The following TRAPPC10 variants were observed in gnomAD, a reference collection of about 807,000 sequenced individuals.
TRAPPC10 encodes trafficking protein particle complex subunit 10.
Under a neutral mutation model 125.5 loss-of-function variants are expected in TRAPPC10, and 23 were observed. The ratio of observed to expected loss-of-function variants is 0.18; its 90% CI spans 0.13 to 0.26. TRAPPC10 has a LOEUF of 0.26. Among genes scored for constraint, TRAPPC10 ranks in the 10% least tolerant of loss-of-function variants. The probability of loss-of-function intolerance (pLI) is 1.00; values close to 1 mark genes in which losing one functional copy is unlikely to be tolerated. For missense variants in TRAPPC10, 1,123 were observed against 1,308.4 expected (o/e 0.86, Z 2.19); for synonymous variants, 509 against 518.0 (o/e 0.98, Z 0.24).
At chr21:44,084,073 C>G in intron 14 of TRAPPC10, 49 bp from the exon 15 acceptor site, 1 of 1,610,116 alleles carries the variant, frequency 6.2e-7, no homozygotes, top group Non-Finnish European at 8.5e-7. Flanking sequence ...AGGAAGCTAA[C>G]TGCAAAACTG....
intron 9 of TRAPPC10, among the ~76,000 whole-genome samples, chr21:44,075,630 T>C (rs1045568151): frequency 6.6e-6 from 1 of 151,944 alleles, no homozygotes; most frequent in African/African-American, 2.4e-5. Flanking sequence ...GGACTACAGG[T>C]GTGTGCTACC....
Position 44,080,111 on chromosome 21 carries a change from G to T in TRAPPC10, c.1707G>T (p.Gln569His), listed in dbSNP as rs1331118916. ...FCQEILDFAS[Q>H]PSDSPGHKIV... is the part of the protein sequence containing the mutation. ...AGGAGATACTTGACTTTGCCAGCCA[G>T]CCGTCAGACAGCCCAGGTAAGACCA... Residue 569 changes from glutamine to histidine, a missense_variant, in exon 13 of 23, where the codon CAG (glutamine) becomes CAT (histidine). Physicochemically the swap from Gln to His is conservative, Grantham distance 24. Around this residue, in one of 4 missense-constraint regions of TRAPPC10, gnomAD observed 840 missense variants for 902.0 expected, o/e 0.93. Transcript: ENST00000291574. 1 of 1,613,944 alleles carries T rather than the reference G, an allele frequency of 6.2e-7. No homozygotes were observed. Among genetic ancestry groups the T allele is most frequent in the Non-Finnish European group, 8.5e-7 (1 of 1,179,984 alleles).
At chr21:44,052,188 G>A in intron 3 of TRAPPC10, 92 bp from the exon 4 acceptor site, 1 of 1,091,346 alleles carries the variant, frequency 9.2e-7, no homozygotes, top group South Asian at 1.6e-5. Context: ...TTAAAACATT[G>A]CGGCCTTTGC....
chr21:44,074,901 A>T (rs1449836486), intron 8 of TRAPPC10, 138 bp from the exon 9 acceptor site: 1 of 664,702 alleles, frequency 1.5e-6, no homozygotes, highest in South Asian at 1.9e-5. Context: ...GTATTTTTGT[A>T]TCCAGATTTG....
intron 3 of TRAPPC10, among the ~76,000 whole-genome samples, chr21:44,039,306 C>T (rs1475968736): frequency 2.0e-5 from 3 of 152,222 alleles, no homozygotes; most frequent in Non-Finnish European, 4.4e-5. Flanking sequence ...AGTGGTTAGT[C>T]AGTCACCTTT....
Position 44,094,179 on chromosome 21 carries a change from G to C in TRAPPC10, c.3114G>C (p.Gln1038His), listed in dbSNP as rs1221037675. The change falls in exon 20 of 23, where the codon CAG becomes CAC. Residue 1038 changes from glutamine (Q) to histidine (H), a missense_variant. This residue lies in a region of TRAPPC10 where 840 missense variants were observed against 902.0 expected (regional missense o/e 0.93). Coordinates refer to ENST00000291574, the MANE Select transcript of TRAPPC10 (RefSeq NM_003274.5). ...GATTTTCCCCAGCTTCTGAGGAACA[G>C]CTGTCTATCTCCTTAAAGCCGTATA... ...SVGFSPASEE[Q>H]LSISLKPYTY... 1.2e-6 allele frequency: 2 copies of C among 1,614,088 alleles called. No homozygotes were observed. Among genetic ancestry groups the C allele is most frequent in the Non-Finnish European group, 1.7e-6 (2 of 1,180,046 alleles).
intron 1 of TRAPPC10, among the ~76,000 whole-genome samples, chr21:44,013,090 C>T (rs2031354074): frequency 6.6e-6 from 1 of 152,318 alleles, no homozygotes; most frequent in African/African-American, 2.4e-5. Context: ...ACACACTTCC[C>T]CGCCGCGCAC....
chr21:44,077,194 A>G (rs1281154946), intron 10 of TRAPPC10, among the ~76,000 whole-genome samples: 1 of 152,202 alleles, frequency 6.6e-6, no homozygotes, highest in Admixed American at 6.5e-5. Context: ...TTTTATTATT[A>G]TGCTTCATAA....
chr21:44,040,538 A>G (rs1269853267), intron 3 of TRAPPC10, among the ~76,000 whole-genome samples: 1 of 152,044 alleles, frequency 6.6e-6, no homozygotes, highest in Non-Finnish European at 1.5e-5. Context: ...GGGTTTTGCC[A>G]TGTTGGACAG....
At chr21:44,014,193 T>A (rs1002515811) in intron 1 of TRAPPC10, among the ~76,000 whole-genome samples, 5 of 152,220 alleles carry the variant, frequency 3.3e-5, no homozygotes, top group African/African-American at 9.6e-5. Context: ...GTTCCTAAGC[T>A]CTATTGGATT....
intron 1 of TRAPPC10, among the ~76,000 whole-genome samples, chr21:44,013,868 C>A (rs2031487958): frequency 6.6e-6 from 1 of 152,212 alleles, no homozygotes; most frequent in African/African-American, 2.4e-5. Context: ...AGCTGAAAGT[C>A]TTTTCCTACT....
intron 1 of TRAPPC10, among the ~76,000 whole-genome samples, chr21:44,026,693 C>A (rs892555456): frequency 2.0e-5 from 3 of 152,066 alleles, no homozygotes; most frequent in Non-Finnish European, 4.4e-5. Context: ...CTTTTTTGTT[C>A]AAAAATAGAA....
intron 11 of TRAPPC10, 33 bp from the exon 12 acceptor site, chr21:44,079,531 G>A: frequency 1.9e-6 from 3 of 1,578,008 alleles, no homozygotes; most frequent in East Asian, 2.3e-5. Context: ...ATCCCTAGCT[G>A]TAATGAAAGC....
At chr21:44,095,853 C>T (rs1383930063) in intron 20 of TRAPPC10, among the ~76,000 whole-genome samples, 1 of 151,992 alleles carries the variant, frequency 6.6e-6, no homozygotes, top group South Asian at 2.1e-4. Context: ...CAAGCATGAG[C>T]CGCCGTGCCT....
At chr21:44,081,237 T>G (rs1478507927) in intron 13 of TRAPPC10, among the ~76,000 whole-genome samples, 1 of 152,022 alleles carries the variant, frequency 6.6e-6, no homozygotes, top group African/African-American at 2.4e-5. Context: ...TGTAGCCCAC[T>G]GCAACCTCTG....
intron 3 of TRAPPC10, chr21:44,046,911 C>T: frequency 1.2e-6 from 1 of 842,142 alleles, no homozygotes; most frequent in Non-Finnish European, 2.0e-6. Context: ...CCCACACGTC[C>T]ATGACTGGCC....
chr21:44,033,348 T>A (rs2033735698), intron 2 of TRAPPC10, among the ~76,000 whole-genome samples: 1 of 152,162 alleles, frequency 6.6e-6, no homozygotes, highest in African/African-American at 2.4e-5. Context: ...CTGTGCTGAT[T>A]ATAGTGTCTT....
intron 7 of TRAPPC10, among the ~76,000 whole-genome samples, chr21:44,067,113 G>T (rs920476985): frequency 6.6e-6 from 1 of 152,164 alleles, no homozygotes; most frequent in Non-Finnish European, 1.5e-5. Flanking sequence ...GCCTAGCAGG[G>T]TCAGGACTCC....
chr21:44,041,670 C>CT (rs2034433564), intron 3 of TRAPPC10, among the ~76,000 whole-genome samples: 1 of 152,104 alleles, frequency 6.6e-6, no homozygotes, highest in African/African-American at 2.4e-5. Flanking sequence ...CCACGCCCAG[C>CT]TTTTTTGACT....
Sources: allele counts gnomAD v4.1 joint callset (sites outside exome capture counted in the v4.1 genomes callset), GRCh38; gene constraint gnomAD v4.1.1; regional missense constraint gnomAD v4.1.1; transcripts MANE v1.5; gene names NCBI Gene and HGNC (gene_info 2026-07-23, HGNC 2026-07-21).